Variants in SLC2A12 observed in about 807,000 individuals in gnomAD.
The protein encoded by SLC2A12 is solute carrier family 2 member 12, also known as solute carrier family 2, facilitated glucose transporter member 12.
In SLC2A12, 23 loss-of-function variants were observed where a neutral mutation model predicts 41.8. The ratio of observed to expected loss-of-function variants is 0.55; its 90% CI spans 0.40 to 0.78. The LOEUF (loss-of-function observed/expected upper bound fraction) is 0.78. SLC2A12 is among the 30% of genes least tolerant of loss of function. The pLI is 0.00. For synonymous variants in SLC2A12, 295 were observed against 285.9 expected, an observed-to-expected ratio of 1.03 and a Z score of -0.32; for missense variants, 654 against 745.6, an observed-to-expected ratio of 0.88 and a Z score of 1.43.
In SLC2A12 at chr6:134,032,405, AATAT is replaced by A. The variant is rs1170558623; in HGVS notation, c.104-2688_104-2685del. Among the ~76,000 whole-genome samples the A allele has an allele frequency of 7.4e-3, 876 of 118,074 alleles. 36 individuals are homozygous for A. Among genetic ancestry groups the A allele is most frequent in the African/African-American group, 0.036 (804 of 22,464 alleles). The allele number at this position is 118,074 out of a possible 152,430, so 77.5% of individuals were successfully genotyped here. A position where few individuals can be genotyped will look rare whatever the true frequency, so the allele number is the denominator to read the frequency against. On this transcript the variant is annotated intron_variant, in intron 1 of 4. Coordinates refer to ENST00000275230, the MANE Select transcript of SLC2A12 (RefSeq NM_145176.3). Reference sequence around the variant, plus strand: ...AGGCATTTACCTGGGTACAGGGAGAAATATATATATATATATATATTTATATATA... The same window carrying A: ...AGGCATTTACCTGGGTACAGGGAGAAATATATATATATATATTTATATATA...
chr6:134,014,877 T>C (rs1206640913), intron 2 of SLC2A12, among the ~76,000 whole-genome samples: 1 of 152,238 alleles, frequency 6.6e-6, no homozygotes, highest in Admixed American at 6.5e-5. Context: ...GCTACAAAAA[T>C]GTAGTTTTAA....
chr6:134,052,274 CA>C, intron 1 of SLC2A12, 103 bp downstream of exon 1: 1 of 885,668 alleles, frequency 1.1e-6, no homozygotes, highest in South Asian at 1.6e-5. Flanking sequence ...CACACACACA[CA>C]CACACACACA....
Position 133,990,933 on chromosome 6 carries a change from C to A in SLC2A12, c.*222G>T. The A allele has an allele frequency of 2.2e-6, 1 of 454,082 alleles. No homozygotes were observed. Among genetic ancestry groups the A allele is most frequent in the Non-Finnish European group, 3.8e-6 (1 of 263,120 alleles). The allele number at this position is 454,082 out of a possible 1,614,324, so 28.1% of individuals were successfully genotyped here. On this transcript the variant is annotated 3_prime_UTR_variant, in exon 5 of 5. Transcript: ENST00000275230. ...TTTTTTTTTTTAACCTGATATCCTGCTCAGAAAAAGAGATCACTTAGGACC... is the reference window on the plus strand; with the variant it reads ...TTTTTTTTTTTAACCTGATATCCTGATCAGAAAAAGAGATCACTTAGGACC...
intron 1 of SLC2A12, among the ~76,000 whole-genome samples, chr6:134,051,807 G>A (rs569556606): frequency 6.6e-6 from 1 of 152,158 alleles, no homozygotes; most frequent in Admixed American, 6.5e-5. Context: ...TCTGAATAAC[G>A]CTCAAATTCA....
chr6:134,046,926 A>T (rs1777462864), intron 1 of SLC2A12, among the ~76,000 whole-genome samples: 1 of 152,214 alleles, frequency 6.6e-6, no homozygotes, highest in Admixed American at 6.5e-5. Flanking sequence ...AAAATAATAC[A>T]GAAAAAAAAT....
intron 2 of SLC2A12, among the ~76,000 whole-genome samples, chr6:134,007,992 T>G (rs1776835441): frequency 6.6e-6 from 1 of 152,340 alleles, no homozygotes; most frequent in Admixed American, 6.5e-5. Flanking sequence ...AATAAATACA[T>G]GTCAAGTGTA....
intron 1 of SLC2A12, among the ~76,000 whole-genome samples, chr6:134,033,154 G>T (rs1248479632): frequency 6.6e-6 from 1 of 151,944 alleles, no homozygotes; most frequent in Non-Finnish European, 1.5e-5. Flanking sequence ...TACAGAGGGG[G>T]CACTTCAAGT....
At chr6:134,041,225 T>G (rs1352861042) in intron 1 of SLC2A12, among the ~76,000 whole-genome samples, 1 of 152,226 alleles carries the variant, frequency 6.6e-6, no homozygotes, top group Non-Finnish European at 1.5e-5. Context: ...TTGTCTCTTC[T>G]TAACACTAGT....
chr6:133,997,535 G>A (rs1457211649), intron 4 of SLC2A12, among the ~76,000 whole-genome samples: 2 of 152,146 alleles, frequency 1.3e-5, no homozygotes, highest in Non-Finnish European at 2.9e-5. Flanking sequence ...TTTCTTAAGT[G>A]AACTAATGTA....
intron 1 of SLC2A12, among the ~76,000 whole-genome samples, chr6:134,037,981 G>A (rs1777326676): frequency 6.6e-6 from 1 of 152,116 alleles, no homozygotes; most frequent in South Asian, 2.1e-4. Context: ...GACAAATACT[G>A]GGTACAAGGC....
intron 2 of SLC2A12, 120 bp from the exon 3 acceptor site, chr6:134,007,054 A>AGGG (rs10647952): frequency 0.44 from 636,875 of 1,433,120 alleles, 140,991 homozygotes; most frequent in African/African-American, 0.51. Context: ...GTTGGGAAGC[A>AGGG]CCATTTCCTA....
At chr6:134,040,058 G>GTTTTTTTTTTTTTTTTTTTTTTTT (rs11371413) in intron 1 of SLC2A12, among the ~76,000 whole-genome samples, 3 of 139,330 alleles carry the variant, frequency 2.2e-5, no homozygotes, top group Non-Finnish European at 4.6e-5. Flanking sequence ...GTTGTTTTTT[G>GTTTTTTTTTTTTTTTTTTTTTTTT]TTTTTTTTTT....
Position 133,989,920 on chromosome 6 carries a change from TTG to T in SLC2A12, c.*1233_*1234del, listed in dbSNP as rs751935531. 6.6e-6 allele frequency: 1 copy of T among 152,364 alleles called. No individual in the cohort carries two copies. Among genetic ancestry groups the T allele is most frequent in the Non-Finnish European group, 1.5e-5 (1 of 68,036 alleles). 9.4% of individuals were successfully genotyped at this position (152,364 alleles called of 1,614,324 possible). ...TAGGTTGTTCGTGCTTTTAAGTTTT[TTG>T]TGTGTCTTCCATCACTTAAATATTA... On this transcript the variant is annotated 3_prime_UTR_variant, in exon 5 of 5. Coordinates refer to ENST00000275230, the MANE Select transcript of SLC2A12 (RefSeq NM_145176.3).
chr6:134,025,354 GCAGTGAATATCCTTTCTTAT>G (rs1321572184), intron 2 of SLC2A12, among the ~76,000 whole-genome samples: 25 of 152,256 alleles, frequency 1.6e-4, no homozygotes, highest in Non-Finnish European at 3.2e-4. Flanking sequence ...TTTGTAAAAT[GCAGTGAATATCCTTTCTTAT>G]CAGGCTTGTT....
chr6:134,008,127 A>T (rs1776836707), intron 2 of SLC2A12, among the ~76,000 whole-genome samples: 1 of 152,218 alleles, frequency 6.6e-6, no homozygotes, highest in South Asian at 2.1e-4. Context: ...ATTTTATCCC[A>T]GAAGAGGGGA....
At chr6:133,998,279 G>C (rs1776718392) in intron 4 of SLC2A12, among the ~76,000 whole-genome samples, 1 of 152,130 alleles carries the variant, frequency 6.6e-6, no homozygotes, top group Admixed American at 6.5e-5. Context: ...AGAAAGATTA[G>C]ATTTTCTTAA....
Position 134,006,952 on chromosome 6 carries a change from G to C in SLC2A12, c.1445-18C>G. 1 of 1,613,816 alleles carries C rather than the reference G, an allele frequency of 6.2e-7. No homozygotes were observed. The highest frequency in any genetic ancestry group is 1.7e-5 in the Admixed American group (1 of 59,986). ...CCAGGGCACTAGAAGAAAGGCAAGA[G>C]TGGGTGGCGGACAGCACATTTAGCA... On this transcript the variant is annotated intron_variant, in intron 2 of 4. Transcript: ENST00000275230.
chr6:134,045,294 A>G (rs767901295), intron 1 of SLC2A12, among the ~76,000 whole-genome samples: 1 of 152,266 alleles, frequency 6.6e-6, no homozygotes, highest in Non-Finnish European at 1.5e-5. Flanking sequence ...ATTGGAAAGT[A>G]GAAGCATTAT....
At chr6:134,012,801 C>G (rs949606509) in intron 2 of SLC2A12, among the ~76,000 whole-genome samples, 7 of 152,042 alleles carry the variant, frequency 4.6e-5, no homozygotes, top group African/African-American at 1.7e-4. Flanking sequence ...GGCTCTGTCT[C>G]TACAAAAAAT....
Sources: allele counts gnomAD v4.1 joint callset (sites outside exome capture counted in the v4.1 genomes callset), GRCh38; gene constraint gnomAD v4.1.1; transcripts MANE v1.5; gene names NCBI Gene and HGNC (gene_info 2026-07-23, HGNC 2026-07-21).